KIAA1328: variants seen among roughly 807,000 people sequenced by gnomAD.
The protein encoded by KIAA1328 is protein hinderin.
KIAA1328 carries 52 observed loss-of-function variants against 68.1 expected under a neutral mutation model. That is an observed-to-expected ratio of 0.76 (90% CI 0.61 to 0.96). The LOEUF (loss-of-function observed/expected upper bound fraction) is 0.96, where lower values mean the gene tolerates loss of function less well. Among genes scored for constraint, KIAA1328 ranks in the 40% least tolerant of loss-of-function variants. The pLI, the probability that KIAA1328 is intolerant of heterozygous loss-of-function variation, is 0.00. For missense variants in KIAA1328, 641 were observed against 677.6 expected (o/e 0.95, Z 0.60); for synonymous variants, 232 against 239.4 (o/e 0.97, Z 0.28).
intron 5 of KIAA1328, among the ~76,000 whole-genome samples, chr18:36,942,529 G>A (rs2050753306): frequency 6.6e-6 from 1 of 152,192 alleles, no homozygotes; most frequent in Non-Finnish European, 1.5e-5. Context: ...TATACGTATG[G>A]TAAATTATCA....
At chr18:36,961,844 C>A (rs2051690462) in intron 6 of KIAA1328, among the ~76,000 whole-genome samples, 1 of 152,118 alleles carries the variant, frequency 6.6e-6, no homozygotes, top group Non-Finnish European at 1.5e-5. Context: ...ACAACTGGTA[C>A]CAGCCACTAT....
Position 37,039,170 on chromosome 18 carries a change from TTTTTC to T in KIAA1328, c.577-27718_577-27714del, listed in dbSNP as rs2055144801. Among the ~76,000 whole-genome samples the T allele has an allele frequency of 2.0e-5, 3 of 152,258 alleles. No homozygotes were observed. The South Asian group carries it at 6.2e-4, about 32-fold the overall frequency. On this transcript the variant is annotated intron_variant, in intron 6 of 9. Transcript: ENST00000280020. Reference sequence around the variant, plus strand: ...ATTCCTAGGAATATATTGGTCCTTGTTTTTCTGTGAGATCTTTGTATATTTTTGGT... The same window carrying T: ...ATTCCTAGGAATATATTGGTCCTTGTTGTGAGATCTTTGTATATTTTTGGT...
At chr18:36,841,627 T>C (rs2046861697) in intron 3 of KIAA1328, among the ~76,000 whole-genome samples, 1 of 152,154 alleles carries the variant, frequency 6.6e-6, no homozygotes, top group Admixed American at 6.5e-5. Flanking sequence ...GTAAATACTT[T>C]AACTTTTGCA....
At chr18:37,129,609 T>C (rs1428306046) in intron 7 of KIAA1328, among the ~76,000 whole-genome samples, 4 of 152,220 alleles carry the variant, frequency 2.6e-5, no homozygotes, top group African/African-American at 9.6e-5. Flanking sequence ...TTGTGATTTC[T>C]TTCTTCCGGT....
intron 7 of KIAA1328, among the ~76,000 whole-genome samples, chr18:37,080,573 G>A (rs1193687049): frequency 2.0e-5 from 3 of 151,756 alleles, no homozygotes; most frequent in Non-Finnish European, 2.9e-5. Flanking sequence ...TCATGAGGTC[G>A]ACACCATCCT....
intron 6 of KIAA1328, among the ~76,000 whole-genome samples, chr18:37,034,822 A>C (rs764852674): frequency 6.6e-6 from 1 of 152,350 alleles, no homozygotes; most frequent in Non-Finnish European, 1.5e-5. Flanking sequence ...TAAAACATTC[A>C]GTCAACATTG....
chr18:36,906,054 A>C (rs943127536), intron 5 of KIAA1328, among the ~76,000 whole-genome samples: 3 of 152,082 alleles, frequency 2.0e-5, no homozygotes, highest in African/African-American at 7.2e-5. Context: ...ACTTCCTTCT[A>C]CCTTTAGTCT....
chr18:36,924,423 A>G (rs2050039185), intron 5 of KIAA1328, among the ~76,000 whole-genome samples: 1 of 152,028 alleles, frequency 6.6e-6, no homozygotes, highest in African/African-American at 2.4e-5. Flanking sequence ...AGATAGGAGG[A>G]TTTGATGTGG....
intron 7 of KIAA1328, among the ~76,000 whole-genome samples, chr18:37,093,445 C>G (rs1322749460): frequency 6.6e-6 from 1 of 152,066 alleles, no homozygotes; most frequent in African/African-American, 2.4e-5. Flanking sequence ...ACAAAGAGAT[C>G]AGTATCATAA....
Position 36,878,495 on chromosome 18 carries a change from G to A in KIAA1328, c.333-7062G>A, listed in dbSNP as rs141381385. ...TGAATCTGGTGATTATGTGTCTTGG[G>A]GTTACTCTTCTCGAGGAATATCTTT... is the stretch of plus-strand genomic sequence containing the variant. On this transcript the variant is annotated intron_variant, in intron 4 of 9. Transcript: ENST00000280020. Among the ~76,000 whole-genome samples the A allele has an allele frequency of 6.4e-3, 967 of 152,066 alleles. 13 individuals are homozygous for A. Among genetic ancestry groups the A allele is most frequent in the African/African-American group, 0.022 (897 of 41,472 alleles).
chr18:37,061,648 C>T (rs563033230), intron 6 of KIAA1328, among the ~76,000 whole-genome samples: 1 of 152,100 alleles, frequency 6.6e-6, no homozygotes, highest in Non-Finnish European at 1.5e-5. Flanking sequence ...GGAGCAGCTC[C>T]AGAAAGAAAA....
Position 37,067,192 on chromosome 18 carries a change from G to A in KIAA1328, c.879G>A (p.Lys293=), listed in dbSNP as rs1381345077. 1 of 1,613,936 alleles carries A rather than the reference G, an allele frequency of 6.2e-7. No individual in the cohort carries two copies. Among genetic ancestry groups the A allele is most frequent in the East Asian group, 2.2e-5 (1 of 44,866 alleles). Residue 293 remains lysine (K), a synonymous_variant, in exon 7 of 10, where the codon AAG becomes AAA. Coordinates refer to ENST00000280020, the MANE Select transcript of KIAA1328 (RefSeq NM_020776.3). The part of the protein sequence containing the change: ...EKMPQEELHM[K]ECPHLKPTPS... ...TGCCACAAGAAGAATTGCACATGAA[G>A]GAATGTCCACATCTTAAGCCTACTC...
intron 7 of KIAA1328, among the ~76,000 whole-genome samples, chr18:37,079,458 T>C (rs1273859590): frequency 6.7e-6 from 1 of 148,840 alleles, no homozygotes; most frequent in Non-Finnish European, 1.5e-5. Context: ...TGTGCACATG[T>C]ACCCTAAAAC....
chr18:37,031,558 A>G (rs2054829876), intron 6 of KIAA1328, among the ~76,000 whole-genome samples: 1 of 152,090 alleles, frequency 6.6e-6, no homozygotes, highest in Admixed American at 6.6e-5. Flanking sequence ...TTTGTCTTTA[A>G]TAATTAAAGT....
intron 5 of KIAA1328, among the ~76,000 whole-genome samples, chr18:36,892,024 G>A (rs374261356): frequency 3.3e-5 from 5 of 152,134 alleles, no homozygotes; most frequent in South Asian, 2.1e-4. Context: ...GAAATCATTC[G>A]TTGCAAATAA....
chr18:36,891,686 A>G (rs1195867946), intron 5 of KIAA1328, among the ~76,000 whole-genome samples: 1 of 151,946 alleles, frequency 6.6e-6, no homozygotes, highest in African/African-American at 2.4e-5. Context: ...TGTATACCAT[A>G]TTTTCTTTAT....
At chr18:36,988,264 G>C (rs2053027987) in intron 6 of KIAA1328, among the ~76,000 whole-genome samples, 1 of 152,138 alleles carries the variant, frequency 6.6e-6, no homozygotes. Context: ...TTTTAGATGA[G>C]ACATCTTTAT....
chr18:36,996,283 C>CATGTA (rs764683036), intron 6 of KIAA1328, among the ~76,000 whole-genome samples: 1 of 152,122 alleles, frequency 6.6e-6, no homozygotes, highest in Non-Finnish European at 1.5e-5. Flanking sequence ...TATATATAGA[C>CATGTA]ATGTAATTCT....
intron 6 of KIAA1328, among the ~76,000 whole-genome samples, chr18:36,993,347 A>G (rs1406856755): frequency 1.3e-5 from 2 of 152,202 alleles, no homozygotes; most frequent in South Asian, 2.1e-4. Flanking sequence ...ACAAGTATTT[A>G]TATATTTTAT....
Sources: gnomAD v4.1 joint callset for allele counts (sites outside exome capture counted in the v4.1 genomes callset) on GRCh38, gnomAD v4.1.1 for gene constraint, MANE v1.5 for transcripts, NCBI Gene and HGNC (gene_info 2026-07-23, HGNC 2026-07-21) for gene names.